DLG2: variants seen among roughly 807,000 people sequenced by gnomAD.
DLG2 encodes disks large homolog 2.
A neutral mutation model predicts 132.5 loss-of-function variants in DLG2; 45 were observed. The ratio of observed to expected loss-of-function variants is 0.34; its 90% CI spans 0.27 to 0.44. The LOEUF (loss-of-function observed/expected upper bound fraction) is 0.44, where lower values mean the gene tolerates loss of function less well. Ranked by LOEUF, DLG2 falls within the 20% of genes least tolerant of loss-of-function variation. DLG2 has a pLI of 1.00. For synonymous variants in DLG2, 424 were observed against 419.6 expected (o/e 1.01, Z -0.13); for missense variants, 1,045 against 1,196.9 (o/e 0.87, Z 1.87).
chr11:84,388,313 T>G (rs1194438761), intron 7 of DLG2, among the ~76,000 whole-genome samples: 2 of 152,032 alleles, frequency 1.3e-5, no homozygotes, highest in Admixed American at 1.3e-4. Flanking sequence ...TCTCAAAGAA[T>G]CTATCAAAAA....
chr11:83,891,164 T>G (rs913559417), intron 15 of DLG2, among the ~76,000 whole-genome samples: 20 of 152,098 alleles, frequency 1.3e-4, no homozygotes, highest in African/African-American at 4.8e-4. Context: ...GCCATGGATA[T>G]TCCTAGAAAG....
At chr11:83,626,132 T>A (rs1443170338) in intron 19 of DLG2, among the ~76,000 whole-genome samples, 7 of 152,182 alleles carry the variant, frequency 4.6e-5, no homozygotes, top group Admixed American at 3.3e-4. Flanking sequence ...AAACATTTTA[T>A]CATAAATGCT....
chr11:84,562,665 C>G (rs2099430984), intron 6 of DLG2, among the ~76,000 whole-genome samples: 1 of 151,956 alleles, frequency 6.6e-6, no homozygotes, highest in Admixed American at 6.6e-5. Flanking sequence ...TCTTGTGTTA[C>G]AGTAACAATG....
At chr11:84,567,114 A>C (rs987878849) in intron 6 of DLG2, among the ~76,000 whole-genome samples, 2 of 152,192 alleles carry the variant, frequency 1.3e-5, no homozygotes, top group African/African-American at 4.8e-5. Context: ...AAACAGGGTG[A>C]AAGTCTTGCT....
chr11:83,728,268 C>T (rs1566728601), intron 18 of DLG2, among the ~76,000 whole-genome samples: 1 of 152,188 alleles, frequency 6.6e-6, no homozygotes, highest in African/African-American at 2.4e-5. Flanking sequence ...CCATTGCTGA[C>T]TCCCCATCAA....
At chr11:84,630,945 C>T (rs1018091861) in intron 6 of DLG2, among the ~76,000 whole-genome samples, 1 of 146,106 alleles carries the variant, frequency 6.8e-6, no homozygotes, top group Non-Finnish European at 1.5e-5. Context: ...GACGCCAATT[C>T]TATGAACTTG....
At chr11:85,617,961 T>G (rs2081452431) in intron 2 of DLG2, among the ~76,000 whole-genome samples, 1 of 152,224 alleles carries the variant, frequency 6.6e-6, no homozygotes, top group Non-Finnish European at 1.5e-5. Context: ...ATTTTCTACT[T>G]TATTATACTA....
intron 8 of DLG2, among the ~76,000 whole-genome samples, chr11:84,174,314 G>T (rs897345508): frequency 7.3e-5 from 11 of 151,544 alleles, no homozygotes; most frequent in African/African-American, 2.7e-4. Flanking sequence ...TATCCTTTGA[G>T]GTTTATTTTC....
intron 9 of DLG2, among the ~76,000 whole-genome samples, chr11:84,156,194 G>T (rs553777890): frequency 6.6e-6 from 1 of 152,094 alleles, no homozygotes; most frequent in Non-Finnish European, 1.5e-5. Flanking sequence ...AATCTGAGCC[G>T]CTCAGCCATA....
rs143887615 is a variant in DLG2 at position 84,772,184 on chromosome 11, A to G, written c.358-237453T>C. Among the ~76,000 whole-genome samples the G allele has an allele frequency of 6.9e-4, 105 of 152,232 alleles. 1 individual carries two copies. The East Asian group carries it at 9.1e-3, about 13-fold the overall frequency. ...CAAAAACCAAAAAAAAAAGAAGGGCATTACGTAATGATAAAGGTTCAATTC... is the reference window on the plus strand; with the variant it reads ...CAAAAACCAAAAAAAAAAGAAGGGCGTTACGTAATGATAAAGGTTCAATTC... On this transcript the variant is annotated intron_variant, in intron 6 of 27. Coordinates refer to ENST00000376104, the MANE Select transcript of DLG2 (RefSeq NM_001142699.3).
intron 8 of DLG2, among the ~76,000 whole-genome samples, chr11:84,181,446 G>A (rs1296123077): frequency 1.3e-5 from 2 of 151,960 alleles, no homozygotes; most frequent in African/African-American, 2.4e-5. Context: ...TAGGATGAAA[G>A]AACAAGAACA....
intron 7 of DLG2, among the ~76,000 whole-genome samples, chr11:84,413,410 T>A (rs1055920518): frequency 6.6e-6 from 1 of 152,190 alleles, no homozygotes; most frequent in African/African-American, 2.4e-5. Context: ...AGAAGATATT[T>A]GAGTTGCTGT....
chr11:85,560,519 T>C (rs1303956648), intron 3 of DLG2, among the ~76,000 whole-genome samples: 2 of 151,742 alleles, frequency 1.3e-5, no homozygotes, highest in South Asian at 2.1e-4. Flanking sequence ...TTATATGAAA[T>C]GTCCAGAAAG....
At chr11:84,145,650 T>G (rs537049138) in intron 9 of DLG2, among the ~76,000 whole-genome samples, 2 of 152,228 alleles carry the variant, frequency 1.3e-5, no homozygotes, top group African/African-American at 4.8e-5. Context: ...AATATATTGG[T>G]CAGTTTAGAT....
intron 14 of DLG2, among the ~76,000 whole-genome samples, chr11:83,932,092 T>C (rs73508252): frequency 2.0e-3 from 300 of 152,324 alleles, no homozygotes; most frequent in African/African-American, 6.8e-3. Flanking sequence ...GATGAAAGTA[T>C]ACCAAAACAT....
intron 3 of DLG2, among the ~76,000 whole-genome samples, chr11:85,466,327 T>G (rs1285965472): frequency 6.6e-5 from 10 of 152,340 alleles, no homozygotes; most frequent in African/African-American, 2.2e-4. Context: ...AGATCCTGTT[T>G]GTCAATTTTG....
At chr11:83,624,433 C>T (rs2062144124) in intron 19 of DLG2, among the ~76,000 whole-genome samples, 1 of 152,224 alleles carries the variant, frequency 6.6e-6, no homozygotes, top group Admixed American at 6.5e-5. Flanking sequence ...TGCCTAAAGA[C>T]AAAGCCTTTT....
At chr11:85,121,601 G>A (rs2074322824) in intron 5 of DLG2, among the ~76,000 whole-genome samples, 2 of 151,960 alleles carry the variant, frequency 1.3e-5, no homozygotes, top group Admixed American at 1.3e-4. Flanking sequence ...TTATGATCAT[G>A]ATAATTTGGT....
intron 7 of DLG2, among the ~76,000 whole-genome samples, chr11:84,321,925 A>T (rs1383410037): frequency 6.6e-6 from 1 of 152,116 alleles, no homozygotes; most frequent in East Asian, 1.9e-4. Context: ...TCCATTAAAC[A>T]CTCATTTAGC....
Sources: allele counts gnomAD v4.1 joint callset (sites outside exome capture counted in the v4.1 genomes callset), GRCh38; gene constraint gnomAD v4.1.1; transcripts MANE v1.5; gene names NCBI Gene and HGNC (gene_info 2026-07-23, HGNC 2026-07-21).